Variants in OR5P3 observed in about 807,000 individuals in gnomAD.
OR5P3 encodes the protein olfactory receptor 5P3.
For missense variants in OR5P3, 415 were observed against 375.6 expected, an observed-to-expected ratio of 1.10 and a Z score of -0.87; for synonymous variants, 172 against 141.8, an observed-to-expected ratio of 1.21 and a Z score of -1.51.
rs756572959 is a variant in OR5P3, at chr11:7,825,663, C to G, written c.310G>C (p.Val104Leu). The G allele has an allele frequency of 1.2e-6, 2 of 1,613,070 alleles. No homozygotes were observed. The highest frequency in any genetic ancestry group is 4.5e-5 in the East Asian group (2 of 44,872). ...CACTCGGCCGTACCAAACGTCACTA[C>G]AGAACAGAGCTGGGCCACACAACCA... is the stretch of plus-strand genomic sequence containing the variant. ...VAGCVAQLCSVVTFGTAECFL... is the reference protein window; with the variant it reads ...VAGCVAQLCSLVTFGTAECFL... Residue 104 changes from valine (V) to leucine (L), a missense_variant, in exon 2 of 2, where the codon GTA becomes CTA. Physicochemically the swap from Val to Leu is conservative, Grantham distance 32. Coordinates refer to ENST00000641167, the MANE Select transcript of OR5P3 (RefSeq NM_153445.2).
rs745741806 is a variant in OR5P3, at chr11:7,825,422, AGTG to A, written c.548_550del (p.Pro183del). ...ATCATGGGAACAAGCAAGCTTCAAA[AGTG>A]GTGAATAGTCACAGAAAAAGTGATT... is the stretch of plus-strand genomic sequence containing the variant. On this transcript the variant is annotated inframe_deletion, in exon 2 of 2. Coordinates refer to ENST00000641167, the MANE Select transcript of OR5P3 (RefSeq NM_153445.2). 10 of 1,613,188 alleles carry A rather than the reference AGTG, an allele frequency of 6.2e-6. No individual in the cohort carries two copies. In the Admixed American group the frequency reaches 1.3e-4, roughly 22 times the overall value.
intron 1 of OR5P3, among the ~76,000 whole-genome samples, chr11:7,829,445 C>G (rs1225914928): frequency 2.6e-5 from 4 of 151,880 alleles, no homozygotes; most frequent in Non-Finnish European, 5.9e-5. Flanking sequence ...CACAAAATAA[C>G]TGCTCAATAC....
rs1857733976 is a variant in OR5P3, at chr11:7,825,868, A to T, written c.105T>A (p.Tyr35Ter). Residue 35 changes from tyrosine (Y) to a stop codon, truncating the protein, a stop_gained, in exon 2 of 2, where the codon TAT (tyrosine) becomes TAA (stop). Coordinates refer to ENST00000641167, the MANE Select transcript of OR5P3 (RefSeq NM_153445.2). LOFTEE classifies it low-confidence loss of function (END_TRUNC). The stretch of plus-strand genomic sequence containing the variant: ...TGATATTACCCATTAAGGTGACAAC[A>T]TAAATTCCTAGAAACACAAGAAATA... ...AILFLVFLGI[Y>*]VVTLMGNISI... 8 of 1,611,096 alleles carry T rather than the reference A, an allele frequency of 5.0e-6. No homozygotes were observed. Among genetic ancestry groups the T allele is most frequent in the Non-Finnish European group, 6.8e-6 (8 of 1,178,356 alleles).
chr11:7,826,596 G>A (rs993484341), intron 1 of OR5P3, among the ~76,000 whole-genome samples: 2 of 152,170 alleles, frequency 1.3e-5, no homozygotes, highest in Non-Finnish European at 1.5e-5. Context: ...AGTCTGGACC[G>A]AGGCAGAAGG....
chr11:7,829,037 A>G (rs1399592553), intron 1 of OR5P3, among the ~76,000 whole-genome samples: 1 of 152,190 alleles, frequency 6.6e-6, no homozygotes, highest in Non-Finnish European at 1.5e-5. Context: ...AAAAATTACC[A>G]TAAAAATAAA....
intron 1 of OR5P3, among the ~76,000 whole-genome samples, chr11:7,827,244 A>G (rs987751950): frequency 7.9e-5 from 12 of 152,218 alleles, no homozygotes; most frequent in African/African-American, 2.7e-4. Context: ...GGTTCATTAC[A>G]TATTTAAAAA....
chr11:7,825,425 G>A lies in OR5P3; in HGVS notation c.548C>T (p.Pro183Leu). The A allele has an allele frequency of 6.2e-7, 1 of 1,613,178 alleles. No homozygotes were observed. The highest frequency in any genetic ancestry group is 8.5e-7 in the Non-Finnish European group (1 of 1,180,038). The change falls in exon 2 of 2, where the codon CCA (proline) becomes CTA (leucine). Residue 183 changes from proline to leucine, a missense_variant. Pro to Leu is a moderately conservative substitution (Grantham distance 98). Transcript: ENST00000641167. The part of the protein sequence containing the change: ...KVNHFFCDYS[P>L]LLKLACSHDF... ...ATGGGAACAAGCAAGCTTCAAAAGT[G>A]GTGAATAGTCACAGAAAAAGTGATT...
At position 7,825,337 on chromosome 11, in the gene OR5P3, A is replaced by C. The variant is rs755921523; in HGVS notation, c.636T>G (p.Cys212Trp). ...SSGSIIVATV[C>W]VIAISYIYIL... is the part of the protein sequence containing the mutation. ...TATAGATGTAGGATATGGCTATGAC[A>C]CACACAGTGGCCACAATGATAGATC... The change falls in exon 2 of 2, where the codon TGT (cysteine) becomes TGG (tryptophan). Residue 212 changes from cysteine (C) to tryptophan (W), a missense_variant. Physicochemically the swap from Cys to Trp is radical, Grantham distance 215 (BLOSUM62 -2). Transcript: ENST00000641167. The C allele has an allele frequency of 3.7e-6, 6 of 1,613,156 alleles. No homozygotes were observed. The East Asian group carries it at 1.3e-4, about 36-fold the overall frequency.
At chr11:7,827,784 A>G (rs554166518) in intron 1 of OR5P3, among the ~76,000 whole-genome samples, 7 of 152,320 alleles carry the variant, frequency 4.6e-5, no homozygotes, top group South Asian at 4.1e-4. Flanking sequence ...AACGGGAGAG[A>G]CAGGTTTTAG....
In OR5P3 at chr11:7,825,277, C is replaced by T. The variant is rs762988722; in HGVS notation, c.696G>A (p.Lys232=). The T allele has an allele frequency of 9.9e-5, 160 of 1,612,940 alleles. No homozygotes were observed. Among genetic ancestry groups the T allele is most frequent in the Non-Finnish European group, 6.5e-5 (77 of 1,180,012 alleles). The change falls in exon 2 of 2, where the codon AAG becomes AAA. Residue 232 remains lysine, a synonymous_variant. Transcript: ENST00000641167. ...LITILKMHST[K]GRHKAFSTCT... ...AGGTGGAGAAGGCCTTGTGGCGGCCCTTGGTGGAGTGCATCTTCAGGATGG... is the reference window on the plus strand; with the variant it reads ...AGGTGGAGAAGGCCTTGTGGCGGCCTTTGGTGGAGTGCATCTTCAGGATGG...
chr11:7,827,807 A>AT (rs1246610032), intron 1 of OR5P3, among the ~76,000 whole-genome samples: 2 of 152,068 alleles, frequency 1.3e-5, no homozygotes, highest in East Asian at 1.9e-4. Flanking sequence ...AGGAAAACAA[A>AT]TTTTTTTTGA....
In OR5P3 at chr11:7,828,499, G is replaced by T. The variant is rs1042788941; in HGVS notation, c.-22+2325C>A. Among the ~76,000 whole-genome samples the T allele has an allele frequency of 4.6e-5, 7 of 152,274 alleles. No homozygotes were observed. The East Asian group carries it at 1.3e-3, about 29-fold the overall frequency. The stretch of plus-strand genomic sequence containing the variant: ...CAATTTAATTGCTGAATAGCAGAAG[G>T]GAGGGTGAAAGCTAATCCCAAAGTT... On this transcript the variant is annotated intron_variant, in intron 1 of 1. Coordinates refer to ENST00000641167, the MANE Select transcript of OR5P3 (RefSeq NM_153445.2).
chr11:7,825,570 A>C lies in OR5P3; in HGVS notation c.403T>G (p.Cys135Gly). The C allele has an allele frequency of 6.2e-7, 1 of 1,613,196 alleles. No homozygotes were observed. Residue 135 changes from cysteine to glycine, a missense_variant, in exon 2 of 2, where the codon TGC becomes GGC. Coordinates refer to ENST00000641167, the MANE Select transcript of OR5P3 (RefSeq NM_153445.2). ...AICSPLLYSTCMSPGVCIILV... is the reference protein window; with the variant it reads ...AICSPLLYSTGMSPGVCIILV... Reference sequence around the variant, plus strand: ...ATGATGCAGACTCCAGGGGACATGCAGGTAGAGTAGAGCAGGGGTGAGCAG... The same window carrying C: ...ATGATGCAGACTCCAGGGGACATGCCGGTAGAGTAGAGCAGGGGTGAGCAG...
intron 1 of OR5P3, among the ~76,000 whole-genome samples, 192 bp from the exon 2 acceptor site, chr11:7,826,185 T>A (rs1280433207): frequency 7.1e-6 from 1 of 140,852 alleles, no homozygotes; most frequent in African/African-American, 2.5e-5. Context: ...AGGTCAGGAA[T>A]ACTCAGAAAA....
chr11:7,825,973 C>T lies in OR5P3; in HGVS notation c.-1G>A. 17 of 1,492,682 alleles carry T rather than the reference C, an allele frequency of 1.1e-5. No individual in the cohort carries two copies. The highest frequency in any genetic ancestry group is 1.5e-5 in the Non-Finnish European group (17 of 1,098,758). 92.5% of individuals were successfully genotyped at this position (1,492,682 alleles called of 1,614,324 possible). ...CAGTGGTGTCATTTCCAGTCCCCATCTATATTGGGAATGGTGCCAACTGAA... is the reference window on the plus strand; with the variant it reads ...CAGTGGTGTCATTTCCAGTCCCCATTTATATTGGGAATGGTGCCAACTGAA... On this transcript the variant is annotated 5_prime_UTR_variant, in exon 2 of 2. Transcript: ENST00000641167.
Position 7,825,148 on chromosome 11 carries a change from A to G in OR5P3, c.825T>C (p.Ser275=), listed in dbSNP as rs759972228. Residue 275 remains serine (S), a synonymous_variant, in exon 2 of 2, where the codon TCT becomes TCC. Transcript: ENST00000641167. ...SYSTDQNKVV[S]VFYTVVIPML... is the part of the protein sequence containing the mutation. Reference sequence around the variant, plus strand: ...TGGGAATCACCACGGTGTAGAACACAGACACCACCTTGTTCTGGTCAGTTG... The same window carrying G: ...TGGGAATCACCACGGTGTAGAACACGGACACCACCTTGTTCTGGTCAGTTG... The G allele has an allele frequency of 3.1e-6, 5 of 1,606,884 alleles. No individual in the cohort carries two copies. Among genetic ancestry groups the G allele is most frequent in the Admixed American group, 1.7e-5 (1 of 59,608 alleles).
At chr11:7,828,740 G>A (rs1404281034) in intron 1 of OR5P3, among the ~76,000 whole-genome samples, 1 of 152,162 alleles carries the variant, frequency 6.6e-6, no homozygotes, top group Admixed American at 6.5e-5. Flanking sequence ...TCATTTCTGA[G>A]ATTACTGCAG....
rs1857736522 is a variant in OR5P3, at chr11:7,825,963, C to T, written c.10G>A (p.Gly4Arg). Residue 4 changes from glycine to arginine, a missense_variant, in exon 2 of 2, where the codon GGA becomes AGA. Transcript: ENST00000641167. MGTGNDTTVVEFTL... is the reference protein window; with the variant it reads MGTRNDTTVVEFTL... ...AACTCTACCACAGTGGTGTCATTTCCAGTCCCCATCTATATTGGGAATGGT... is the reference window on the plus strand; with the variant it reads ...AACTCTACCACAGTGGTGTCATTTCTAGTCCCCATCTATATTGGGAATGGT... 6.5e-7 allele frequency: 1 copy of T among 1,530,406 alleles called. No individual in the cohort carries two copies. The highest frequency in any genetic ancestry group is 8.9e-7 in the Non-Finnish European group (1 of 1,128,392). The allele number at this position is 1,530,406 out of a possible 1,614,324, so 94.8% of individuals were successfully genotyped here. A position where few individuals can be genotyped will look rare whatever the true frequency, so the allele number is the denominator to read the frequency against.
Position 7,825,401 on chromosome 11 carries a change from T to C in OR5P3, c.572A>G (p.His191Arg), listed in dbSNP as rs532143677. The change falls in exon 2 of 2, where the codon CAT (histidine) becomes CGT (arginine). Residue 191 changes from histidine (H) to arginine (R), a missense_variant. By Grantham distance (29) the His-to-Arg change is conservative. Coordinates refer to ENST00000641167, the MANE Select transcript of OR5P3 (RefSeq NM_153445.2). ...TGGAATTATTTCAAAAGTAAAATCATGGGAACAAGCAAGCTTCAAAAGTGG... is the reference window on the plus strand; with the variant it reads ...TGGAATTATTTCAAAAGTAAAATCACGGGAACAAGCAAGCTTCAAAAGTGG... ...YSPLLKLACS[H>R]DFTFEIIPAI... The C allele has an allele frequency of 2.7e-5, 44 of 1,613,108 alleles. No individual in the cohort carries two copies. Among genetic ancestry groups the C allele is most frequent in the South Asian group, 2.6e-4 (24 of 91,086 alleles).
Sources: allele counts gnomAD v4.1 joint callset (sites outside exome capture counted in the v4.1 genomes callset), GRCh38; gene constraint gnomAD v4.1.1; transcripts MANE v1.5; gene names NCBI Gene and HGNC (gene_info 2026-07-23, HGNC 2026-07-21).